C2orf66: variants seen among roughly 807,000 people sequenced by gnomAD.
C2orf66 encodes chromosome 2 open reading frame 66.
C2orf66 carries 6 observed loss-of-function variants against 7.0 expected under a neutral mutation model. The observed-to-expected ratio is 0.86, with a 90% confidence interval of 0.47 to 1.69. C2orf66 has a LOEUF of 1.69. C2orf66 is among the 40% of genes most tolerant of loss of function. The pLI, the probability that C2orf66 is intolerant of heterozygous loss-of-function variation, is 0.01. For synonymous variants in C2orf66, 38 were observed against 43.8 expected, an observed-to-expected ratio of 0.87 and a Z score of 0.52; for missense variants, 107 against 112.0, an observed-to-expected ratio of 0.96 and a Z score of 0.20.
At chr2:196,820,511 C>T in the C2orf66 span, among the ~76,000 whole-genome samples, 2 of 152,212 alleles carry the variant, frequency 1.3e-5, no homozygotes, top group South Asian at 2.1e-4. Flanking sequence ...TTATTGAATA[C>T]ATACTATGTG....
At chr2:196,806,340 G>A (rs1048143856) in intron 2 of C2orf66, among the ~76,000 whole-genome samples, 3 of 152,008 alleles carry the variant, frequency 2.0e-5, no homozygotes, top group Admixed American at 2.0e-4. Context: ...TGGGACTACA[G>A]GCACTGGCCA....
At chr2:196,807,164 A>G (rs555720852) in intron 2 of C2orf66, among the ~76,000 whole-genome samples, 3 of 152,278 alleles carry the variant, frequency 2.0e-5, no homozygotes, top group East Asian at 1.9e-4. Flanking sequence ...TAATCCTATT[A>G]AGAGATAATT....
chr2:196,807,100 T>C (rs374632123), intron 2 of C2orf66, among the ~76,000 whole-genome samples: 1 of 152,196 alleles, frequency 6.6e-6, no homozygotes, highest in East Asian at 1.9e-4. Context: ...CTTAGCTATA[T>C]CAGTTGGTCT....
At chr2:196,805,525 A>T (rs2125757240) in intron 2 of C2orf66, 117 bp from the exon 3 acceptor site, 1 of 152,250 alleles carries the variant, frequency 6.6e-6, no homozygotes, top group South Asian at 2.1e-4. Context: ...TTTTCTCACC[A>T]GAGATGTAAG....
chr2:196,830,231 C>CT, the C2orf66 span, among the ~76,000 whole-genome samples: 1 of 152,158 alleles, frequency 6.6e-6, no homozygotes, highest in African/African-American at 2.4e-5. Flanking sequence ...TTGAGAATTA[C>CT]TTTTGGGGCA....
At chr2:196,817,902 T>C in the C2orf66 span, among the ~76,000 whole-genome samples, 1 of 152,208 alleles carries the variant, frequency 6.6e-6, no homozygotes, top group Non-Finnish European at 1.5e-5. Context: ...TCTTCCCTTG[T>C]TCCCTAAAAT....
chr2:196,821,390 G>C, the C2orf66 span, among the ~76,000 whole-genome samples: 1 of 152,160 alleles, frequency 6.6e-6, no homozygotes, highest in Non-Finnish European at 1.5e-5. Flanking sequence ...GGCCAATCAC[G>C]GAGGAAGACT....
At chr2:196,824,648 A>G in the C2orf66 span, among the ~76,000 whole-genome samples, 1 of 152,230 alleles carries the variant, frequency 6.6e-6, no homozygotes, top group Non-Finnish European at 1.5e-5. Context: ...CTCATTCTCC[A>G]TACCCTTTGC....
chr2:196,819,923 G>A, the C2orf66 span, among the ~76,000 whole-genome samples: 2 of 152,202 alleles, frequency 1.3e-5, no homozygotes, highest in African/African-American at 4.8e-5. Context: ...CAATAGACCA[G>A]TAAAGTGTAA....
At chr2:196,815,937 C>T in the C2orf66 span, among the ~76,000 whole-genome samples, 60 of 152,250 alleles carry the variant, frequency 3.9e-4, no homozygotes, top group African/African-American at 1.3e-3. Context: ...TTATAGAGTG[C>T]CTCCTCAGTG....
At chr2:196,817,544 G>A in the C2orf66 span, among the ~76,000 whole-genome samples, 4 of 152,032 alleles carry the variant, frequency 2.6e-5, no homozygotes, top group Non-Finnish European at 5.9e-5. Flanking sequence ...CGCACGTATT[G>A]TCTTGATAAA....
At chr2:196,827,155 C>A in the C2orf66 span, among the ~76,000 whole-genome samples, 1 of 149,818 alleles carries the variant, frequency 6.7e-6, no homozygotes. Context: ...AGGAGGATCA[C>A]TTGAGCCCAG....
At chr2:196,812,407 A>T (rs1699885581), upstream of C2orf66, among the ~76,000 whole-genome samples, 1 of 152,216 alleles carries the variant, frequency 6.6e-6, no homozygotes, top group African/African-American at 2.4e-5. Flanking sequence ...AACTTTCAAT[A>T]AACCAGGTAT....
At chr2:196,813,339 A>T (rs555515818), upstream of C2orf66, among the ~76,000 whole-genome samples, 1 of 152,336 alleles carries the variant, frequency 6.6e-6, no homozygotes, top group South Asian at 2.1e-4. Flanking sequence ...AGGATCCCCT[A>T]TTTAATAAAC....
In C2orf66 at chr2:196,809,213, C is replaced by A. The variant is rs756285991; in HGVS notation, c.123+1G>T. 126 of 1,613,580 alleles carry A rather than the reference C, an allele frequency of 7.8e-5. No individual in the cohort carries two copies. The highest frequency in any genetic ancestry group is 9.7e-5 in the Non-Finnish European group (115 of 1,179,802). ...AACCCAGGCCCCAAGTGTGTTCTTA[C>A]CAGATCTCTGTTTCTGGGGTTGTTG... On this transcript the variant is annotated splice_donor_variant, in intron 1 of 2. Coordinates refer to ENST00000342506, the MANE Select transcript of C2orf66 (RefSeq NM_213608.3). LOFTEE classifies it high-confidence loss of function.
upstream of C2orf66, among the ~76,000 whole-genome samples, chr2:196,812,040 T>C (rs1482717842): frequency 2.6e-5 from 4 of 152,158 alleles, no homozygotes; most frequent in South Asian, 6.2e-4. Context: ...TGAGTGAGTA[T>C]AGCAAGCTCT....
chr2:196,820,340 C>A, the C2orf66 span, among the ~76,000 whole-genome samples: 1 of 152,166 alleles, frequency 6.6e-6, no homozygotes. Flanking sequence ...CCTAAAGGCC[C>A]ATACGTCATA....
chr2:196,831,354 A>C, the C2orf66 span, among the ~76,000 whole-genome samples: 1 of 151,898 alleles, frequency 6.6e-6, no homozygotes, highest in Non-Finnish European at 1.5e-5. Context: ...CAATTTTCCT[A>C]CCTTGGCTCA....
the C2orf66 span, among the ~76,000 whole-genome samples, chr2:196,817,403 T>A: frequency 3.9e-3 from 589 of 151,898 alleles, 4 homozygotes; most frequent in Non-Finnish European, 6.5e-3. Flanking sequence ...CCTGGCTAAT[T>A]TTTTTGTATT....
Sources: allele counts gnomAD v4.1 joint callset (sites outside exome capture counted in the v4.1 genomes callset), GRCh38; gene constraint gnomAD v4.1.1; transcripts MANE v1.5; gene names NCBI Gene and HGNC (gene_info 2026-07-23, HGNC 2026-07-21).